The following FIP1L1 variants were observed in gnomAD, a reference collection of about 807,000 sequenced individuals.
FIP1L1 encodes the protein pre-mRNA 3'-end-processing factor FIP1.
Under a neutral mutation model 84.6 loss-of-function variants are expected in FIP1L1, and 21 were observed. That is an observed-to-expected ratio of 0.25 (90% CI 0.18 to 0.36). The LOEUF is 0.36. FIP1L1 is among the 10% of genes least tolerant of loss of function. The pLI is 1.00. For synonymous variants in FIP1L1, 263 were observed against 242.3 expected, an observed-to-expected ratio of 1.09 and a Z score of -0.80; for missense variants, 526 against 751.1, an observed-to-expected ratio of 0.70 and a Z score of 3.50.
At chr4:53,424,149 G>A (rs1763452751) in intron 11 of FIP1L1, among the ~76,000 whole-genome samples, 1 of 152,096 alleles carries the variant, frequency 6.6e-6, no homozygotes. Flanking sequence ...AGTAGAAAAG[G>A]AAATAGAGCG....
chr4:53,403,971 C>A (rs576231954), intron 10 of FIP1L1, among the ~76,000 whole-genome samples: 1 of 151,292 alleles, frequency 6.6e-6, no homozygotes, highest in African/African-American at 2.4e-5. Flanking sequence ...CTCTCTCCAG[C>A]CACTGAGCTG....
intron 5 of FIP1L1, among the ~76,000 whole-genome samples, chr4:53,388,906 C>T (rs1742633644): frequency 6.6e-6 from 1 of 152,180 alleles, no homozygotes; most frequent in African/African-American, 2.4e-5. Flanking sequence ...CAAGATTACA[C>T]AACTAGCAAT....
At position 53,415,355 on chromosome 4, in the gene FIP1L1, A is replaced by C. The variant is rs555570997; in HGVS notation, c.923+633A>C. On this transcript the variant is annotated intron_variant, in intron 11 of 17. Coordinates refer to ENST00000337488, the MANE Select transcript of FIP1L1 (RefSeq NM_030917.4). ...AATTGAAATAATAACTTCATCTTTA[A>C]GGGATGCAATGAGAAACAACTATGT... is the stretch of plus-strand genomic sequence containing the variant. 2.5e-4 allele frequency among the ~76,000 whole-genome samples: 38 copies of C among 152,290 alleles called. No homozygotes were observed. In the Middle Eastern group the frequency reaches 0.01, roughly 41 times the overall value.
chr4:53,395,276 T>C (rs577349389), intron 9 of FIP1L1, among the ~76,000 whole-genome samples: 1 of 152,250 alleles, frequency 6.6e-6, no homozygotes, highest in East Asian at 1.9e-4. Flanking sequence ...TATGAAGAAA[T>C]TAAGGAAAAA....
At chr4:53,430,002 T>A (rs1765868173) in intron 13 of FIP1L1, among the ~76,000 whole-genome samples, 1 of 152,182 alleles carries the variant, frequency 6.6e-6, no homozygotes, top group African/African-American at 2.4e-5. Context: ...CTTCTATGAG[T>A]TGGATCATAT....
At chr4:53,426,756 A>G (rs1397518906) in intron 12 of FIP1L1, among the ~76,000 whole-genome samples, 2 of 152,146 alleles carry the variant, frequency 1.3e-5, no homozygotes, top group Non-Finnish European at 2.9e-5. Flanking sequence ...TATCTTCATG[A>G]TAGCTTCATT....
rs755363572 is a variant in FIP1L1, at chr4:53,452,904, C to T, written c.1286-16C>T. ...AAGTACCATAACGTTTGTTTTTAAT[C>T]GTGTTTTTTCTTTAGTTGCCTTTCC... is the stretch of plus-strand genomic sequence containing the variant. On this transcript the variant is annotated splice_polypyrimidine_tract_variant and intron_variant, in intron 15 of 17. Coordinates refer to ENST00000337488, the MANE Select transcript of FIP1L1 (RefSeq NM_030917.4). 8 of 1,607,002 alleles carry T rather than the reference C, an allele frequency of 5.0e-6. No individual in the cohort carries two copies. The highest frequency in any genetic ancestry group is 4.4e-5 in the South Asian group (4 of 90,712).
At chr4:53,457,015 C>T (rs1411191547) in intron 16 of FIP1L1, among the ~76,000 whole-genome samples, 1 of 152,024 alleles carries the variant, frequency 6.6e-6, no homozygotes, top group African/African-American at 2.4e-5. Flanking sequence ...TCCTATGGTG[C>T]TAGTTTATTC....
At chr4:53,386,206 A>G (rs1428918468) in intron 5 of FIP1L1, among the ~76,000 whole-genome samples, 4 of 152,216 alleles carry the variant, frequency 2.6e-5, no homozygotes, top group African/African-American at 9.6e-5. Context: ...TAATTTTTAA[A>G]GACATAATTT....
intron 10 of FIP1L1, among the ~76,000 whole-genome samples, chr4:53,414,313 AT>A (rs2149756288): frequency 6.6e-6 from 1 of 152,210 alleles, no homozygotes; most frequent in South Asian, 2.1e-4. Context: ...ACAGAAATGT[AT>A]TTTTTGATTA....
Position 53,383,826 on chromosome 4 carries a change from T to C in FIP1L1, c.282T>C (p.Asp94=). 6.2e-7 allele frequency: 1 copy of C among 1,612,978 alleles called. No individual in the cohort carries two copies. The highest frequency in any genetic ancestry group is 8.5e-7 in the Non-Finnish European group (1 of 1,179,096). ...DSDSDSDDDE[D]DVHVTIGDIK... ...ATAGTGACAGCGATGATGATGAAGA[T>C]GATGTTCATGTCACTATAGGAGACA... The change falls in exon 5 of 18, where the codon GAT becomes GAC. Residue 94 remains aspartate, a synonymous_variant. Coordinates refer to ENST00000337488, the MANE Select transcript of FIP1L1 (RefSeq NM_030917.4).
chr4:53,386,483 G>T (rs958847514), intron 5 of FIP1L1, among the ~76,000 whole-genome samples: 4 of 152,166 alleles, frequency 2.6e-5, no homozygotes, highest in African/African-American at 9.7e-5. Context: ...AATATTTTCA[G>T]TGCAACATAA....
intron 11 of FIP1L1, among the ~76,000 whole-genome samples, chr4:53,419,869 T>C (rs1406719009): frequency 6.6e-6 from 1 of 151,990 alleles, no homozygotes; most frequent in Admixed American, 6.5e-5. Context: ...TCCCAGAACT[T>C]TGGGAGGCTG....
At chr4:53,435,050 A>T (rs541191488) in intron 13 of FIP1L1, among the ~76,000 whole-genome samples, 3 of 152,234 alleles carry the variant, frequency 2.0e-5, no homozygotes, top group Non-Finnish European at 4.4e-5. Flanking sequence ...TTTGCCAGAA[A>T]TGTAAGCATT....
Position 53,390,522 on chromosome 4 carries a change from G to T in FIP1L1, c.399G>T (p.Gly133=), listed in dbSNP as rs750432865. ...TCATTTTGTAATTTTATAAAACAGG[G>T]ACAAAAGTCAAAGGAGTAGACCTTG... ...KTGGRVYGTT[G]TKVKGVDLDA... Residue 133 remains glycine (G), a splice_region_variant and synonymous_variant, in exon 7 of 18, where the codon GGG becomes GGT. Coordinates refer to ENST00000337488, the MANE Select transcript of FIP1L1 (RefSeq NM_030917.4). 1 of 1,601,724 alleles carries T rather than the reference G, an allele frequency of 6.2e-7. No homozygotes were observed. The highest frequency in any genetic ancestry group is 8.5e-7 in the Non-Finnish European group (1 of 1,170,662).
intron 13 of FIP1L1, among the ~76,000 whole-genome samples, chr4:53,435,420 T>C (rs1346313747): frequency 2.6e-5 from 4 of 152,200 alleles, no homozygotes; most frequent in Non-Finnish European, 5.9e-5. Context: ...GATCGTCTCA[T>C]GATTATATGG....
intron 5 of FIP1L1, 98 bp downstream of exon 5, chr4:53,383,974 CATTTTTCTATTTT>C (rs1739479872): frequency 9.0e-7 from 1 of 1,109,040 alleles, no homozygotes; most frequent in Admixed American, 2.7e-5. Flanking sequence ...ATTGTTTTTA[CATTTTTCTATTTT>C]AACATAAAAG....
At chr4:53,382,247 T>C (rs746072301) in intron 3 of FIP1L1, 31 bp from the exon 4 acceptor site, 6 of 1,526,878 alleles carry the variant, frequency 3.9e-6, no homozygotes. Context: ...AAGTAATGCC[T>C]GACATGTATA....
intron 11 of FIP1L1, among the ~76,000 whole-genome samples, chr4:53,418,443 T>TA (rs1760785721): frequency 6.6e-6 from 1 of 152,232 alleles, no homozygotes; most frequent in South Asian, 2.1e-4. Flanking sequence ...ACAGTATTCT[T>TA]CAAGCTAAAT....
Sources: gnomAD v4.1 joint callset for allele counts (sites outside exome capture counted in the v4.1 genomes callset) on GRCh38, gnomAD v4.1.1 for gene constraint, MANE v1.5 for transcripts, NCBI Gene and HGNC (gene_info 2026-07-23, HGNC 2026-07-21) for gene names.